ADD3: variants seen among roughly 807,000 people sequenced by gnomAD.
ADD3 encodes the protein gamma-adducin.
ADD3 carries 25 observed loss-of-function variants against 80.2 expected under a neutral mutation model. The observed-to-expected ratio is 0.31, with a 90% CI of 0.23 to 0.44. The LOEUF (loss-of-function observed/expected upper bound fraction) is 0.44. ADD3 is among the 20% of genes least tolerant of loss of function. ADD3 has a pLI of 1.00. For missense variants in ADD3, 829 were observed against 847.5 expected (o/e 0.98, Z 0.27); for synonymous variants, 284 against 289.6 (o/e 0.98, Z 0.20).
chr10:110,021,389 G>A (rs529707024), intron 1 of ADD3, among the ~76,000 whole-genome samples: 4 of 152,292 alleles, frequency 2.6e-5, no homozygotes, highest in African/African-American at 9.6e-5. Context: ...AATTGAAAAT[G>A]TGTTCCCACA....
At chr10:110,106,406 C>T (rs1290658355) in intron 2 of ADD3, among the ~76,000 whole-genome samples, 1 of 151,786 alleles carries the variant, frequency 6.6e-6, no homozygotes, top group Non-Finnish European at 1.5e-5. Context: ...TTATCTCCTG[C>T]CACTTTCTCC....
intron 1 of ADD3, among the ~76,000 whole-genome samples, chr10:110,094,375 T>G (rs1157969509): frequency 6.6e-6 from 1 of 152,348 alleles, no homozygotes; most frequent in East Asian, 1.9e-4. Flanking sequence ...CCACTGAGTA[T>G]AGTTTCCTCT....
intron 11 of ADD3, 82 bp downstream of exon 11, chr10:110,126,027 C>T: frequency 7.2e-7 from 1 of 1,384,646 alleles, no homozygotes; most frequent in South Asian, 1.5e-5. Flanking sequence ...CTGGTTAATG[C>T]CAAACTTAGA....
At chr10:110,097,137 A>C (rs894944669) in intron 1 of ADD3, among the ~76,000 whole-genome samples, 4 of 152,158 alleles carry the variant, frequency 2.6e-5, no homozygotes, top group Non-Finnish European at 1.5e-5. Flanking sequence ...CAATGTTACT[A>C]CCTCTGTTAC....
chr10:110,061,782 A>G (rs1345393961), intron 1 of ADD3, among the ~76,000 whole-genome samples: 1 of 152,208 alleles, frequency 6.6e-6, no homozygotes, highest in East Asian at 1.9e-4. Context: ...CTTCAAGGGC[A>G]TCTAATTCAG....
chr10:110,007,113 T>C (rs910457500), upstream of ADD3, among the ~76,000 whole-genome samples: 1 of 152,168 alleles, frequency 6.6e-6, no homozygotes. Flanking sequence ...TCCACAGCCC[T>C]GCAATTGCGT....
chr10:110,081,715 T>A (rs1045207764), intron 1 of ADD3, among the ~76,000 whole-genome samples: 1 of 152,232 alleles, frequency 6.6e-6, no homozygotes, highest in East Asian at 1.9e-4. Flanking sequence ...TCACCTATTA[T>A]GATTTTTTAA....
chr10:110,095,563 T>G (rs1848047875), intron 1 of ADD3, among the ~76,000 whole-genome samples: 1 of 152,252 alleles, frequency 6.6e-6, no homozygotes, highest in South Asian at 2.1e-4. Flanking sequence ...TTTATTGCCA[T>G]GTAATATTCC....
intron 2 of ADD3, among the ~76,000 whole-genome samples, chr10:110,102,363 C>T (rs1848912644): frequency 6.6e-6 from 1 of 152,150 alleles, no homozygotes; most frequent in Non-Finnish European, 1.5e-5. Context: ...AATCCCAGCA[C>T]TTTAGGATGC....
At chr10:110,041,085 G>A (rs1045645978) in intron 1 of ADD3, among the ~76,000 whole-genome samples, 9 of 151,990 alleles carry the variant, frequency 5.9e-5, no homozygotes, top group African/African-American at 1.7e-4. Context: ...TCTGTCTTTG[G>A]AAGAATATGT....
chr10:110,126,327 TC>T (rs1852152356), intron 11 of ADD3, 89 bp from the exon 12 acceptor site: 1 of 971,134 alleles, frequency 1.0e-6, no homozygotes, highest in Non-Finnish European at 1.6e-6. Context: ...TCTGGAAATG[TC>T]AAGTAGTAAG....
At chr10:110,031,330 T>C (rs1278005530) in intron 1 of ADD3, among the ~76,000 whole-genome samples, 3 of 152,216 alleles carry the variant, frequency 2.0e-5, no homozygotes, top group East Asian at 1.9e-4. Context: ...GCACCTGCCA[T>C]GTGCAAGGTA....
intron 1 of ADD3, among the ~76,000 whole-genome samples, chr10:110,076,772 CATTTTA>C (rs1449460908): frequency 6.6e-6 from 1 of 152,166 alleles, no homozygotes; most frequent in African/African-American, 2.4e-5. Context: ...ATCTGTCTTG[CATTTTA>C]TCTTTACTTT....
intron 1 of ADD3, among the ~76,000 whole-genome samples, chr10:110,084,278 C>G (rs182012995): frequency 3.3e-4 from 50 of 152,248 alleles, no homozygotes; most frequent in African/African-American, 1.2e-3. Flanking sequence ...ATAACACCAA[C>G]AAAATGTTTT....
At chr10:110,038,199 A>G (rs182148798) in intron 1 of ADD3, among the ~76,000 whole-genome samples, 2 of 152,230 alleles carry the variant, frequency 1.3e-5, no homozygotes, top group Admixed American at 1.3e-4. Flanking sequence ...CTTTATTAAC[A>G]TCTCCAGAAT....
intron 1 of ADD3, among the ~76,000 whole-genome samples, chr10:110,067,374 A>C (rs1433059582): frequency 1.3e-5 from 2 of 152,184 alleles, no homozygotes. Flanking sequence ...AGTTTTTATA[A>C]ACTTTAAAGC....
At chr10:110,068,756 G>C (rs1003792884) in intron 1 of ADD3, among the ~76,000 whole-genome samples, 1 of 152,106 alleles carries the variant, frequency 6.6e-6, no homozygotes, top group East Asian at 1.9e-4. Context: ...TACAGCCCTT[G>C]CTTTATATAA....
At chr10:110,026,011 T>G (rs1416243543) in intron 1 of ADD3, among the ~76,000 whole-genome samples, 1 of 152,236 alleles carries the variant, frequency 6.6e-6, no homozygotes, top group Non-Finnish European at 1.5e-5. Context: ...TCTTGTTTTC[T>G]TAATAGAAGC....
intron 1 of ADD3, among the ~76,000 whole-genome samples, chr10:110,067,098 A>G (rs1844047907): frequency 6.6e-6 from 1 of 152,234 alleles, no homozygotes; most frequent in Non-Finnish European, 1.5e-5. Context: ...TGTTAACTGT[A>G]TAGTGCCTTT....
Sources: gnomAD v4.1 joint callset for allele counts (sites outside exome capture counted in the v4.1 genomes callset) on GRCh38, gnomAD v4.1.1 for gene constraint, MANE v1.5 for transcripts, NCBI Gene and HGNC (gene_info 2026-07-23, HGNC 2026-07-21) for gene names.